The following TKTL1 variants were observed in gnomAD, a reference collection of about 807,000 sequenced individuals.
TKTL1 encodes the protein transketolase-like protein 1.
Under a neutral mutation model 39.3 loss-of-function variants are expected in TKTL1, and 1 was observed. The observed-to-expected ratio is 0.03, with a 90% CI of 0.01 to 0.12. The LOEUF (loss-of-function observed/expected upper bound fraction) is 0.12, where lower values mean the gene tolerates loss of function less well. TKTL1 is among the 10% of genes least tolerant of loss of function. The pLI is 1.00. For synonymous variants in TKTL1, 262 were observed against 193.8 expected (o/e 1.35, Z -2.92); for missense variants, 575 against 509.6 (o/e 1.13, Z -1.24).
intron 1 of TKTL1, among the ~76,000 whole-genome samples, chrX:154,298,927 T>C (rs148970245): frequency 0.11 from 12,480 of 109,002 alleles, 1,704 homozygotes; most frequent in African/African-American, 0.39. Flanking sequence ...CCAGGTTGGT[T>C]TCAGACCCCT....
chrX:154,299,489 G>C (rs1318131709), intron 1 of TKTL1, among the ~76,000 whole-genome samples: 1 of 110,333 alleles, frequency 9.1e-6, no homozygotes, highest in African/African-American at 3.3e-5. Flanking sequence ...ATAGTGTTAG[G>C]GGTATAAGTT....
chrX:154,308,115 G>A (rs1366470740), intron 2 of TKTL1, among the ~76,000 whole-genome samples: 1 of 112,031 alleles, frequency 8.9e-6, no homozygotes, highest in African/African-American at 3.2e-5. Context: ...AAACTTTTAA[G>A]TCAATAGATG....
chrX:154,321,366 G>A (rs5987244), intron 8 of TKTL1, among the ~76,000 whole-genome samples: 7,707 of 108,929 alleles, frequency 0.071, 696 homozygotes, highest in African/African-American at 0.25. Context: ...ACCCTGGAGC[G>A]TGACACGAGG....
intron 12 of TKTL1, among the ~76,000 whole-genome samples, chrX:154,328,593 G>A (rs1419623874): frequency 3.3e-4 from 20 of 59,993 alleles, no homozygotes; most frequent in Non-Finnish European, 6.9e-4. Context: ...AAAAAAAAAA[G>A]TGTGCCCCGA....
chrX:154,298,784 C>G (rs368149885), intron 1 of TKTL1, among the ~76,000 whole-genome samples: 1 of 111,364 alleles, frequency 9.0e-6, no homozygotes, highest in Non-Finnish European at 1.9e-5. Flanking sequence ...TTCCTTTCTC[C>G]TGCTAGCTTT....
intron 1 of TKTL1, among the ~76,000 whole-genome samples, chrX:154,301,844 C>T (rs782697887): frequency 9.3e-6 from 1 of 107,694 alleles, no homozygotes; most frequent in African/African-American, 3.4e-5. Flanking sequence ...CCGCCCACCT[C>T]GGCCTCCCAA....
chrX:154,301,858 G>T (rs2067276251), intron 1 of TKTL1, among the ~76,000 whole-genome samples: 1 of 106,901 alleles, frequency 9.4e-6, no homozygotes, highest in South Asian at 4.1e-4. Context: ...CTCCCAAGAT[G>T]CTGGGATTAC....
chrX:154,319,378 C>T (rs1347553909), intron 7 of TKTL1, among the ~76,000 whole-genome samples: 1 of 112,135 alleles, frequency 8.9e-6, no homozygotes, highest in Non-Finnish European at 1.9e-5. Context: ...GGATGATCCC[C>T]CTGTAAGAGT....
chrX:154,301,937 ATTAT>A (rs1221713052), intron 1 of TKTL1, among the ~76,000 whole-genome samples: 2 of 108,085 alleles, frequency 1.9e-5, no homozygotes, highest in Non-Finnish European at 3.8e-5. Flanking sequence ...AAATGAGACA[ATTAT>A]TTATTTTAGG....
chrX:154,297,120 C>G (rs1013857106), intron 1 of TKTL1, among the ~76,000 whole-genome samples: 2 of 111,762 alleles, frequency 1.8e-5, no homozygotes, highest in African/African-American at 6.5e-5. Context: ...GAGACCCTGT[C>G]TCTAAAAAAA....
chrX:154,320,505 G>A (rs2067440401), intron 7 of TKTL1: 1 of 389,032 alleles, frequency 2.6e-6, no homozygotes, highest in Admixed American at 4.4e-5. Flanking sequence ...CTGGAAAGCT[G>A]CGGACACCAG....
chrX:154,318,259 A>G (rs782485854), intron 7 of TKTL1, among the ~76,000 whole-genome samples: 21 of 110,111 alleles, frequency 1.9e-4, no homozygotes, highest in African/African-American at 6.6e-4. Flanking sequence ...AGTCGTTGCA[A>G]AGGATGTAGT....
At chrX:154,318,037 C>T (rs1247255460) in intron 7 of TKTL1, among the ~76,000 whole-genome samples, 5 of 111,954 alleles carry the variant, frequency 4.5e-5, no homozygotes, top group African/African-American at 1.6e-4. Flanking sequence ...ACTACATATT[C>T]GTTGGCCTAG....
chrX:154,317,619 C>G (rs782368390), intron 7 of TKTL1, among the ~76,000 whole-genome samples: 5 of 112,688 alleles, frequency 4.4e-5, no homozygotes, highest in African/African-American at 1.6e-4. Flanking sequence ...CCTGCGTTTT[C>G]CAAAACTCTG....
intron 12 of TKTL1, among the ~76,000 whole-genome samples, chrX:154,328,741 A>G (rs1293397545): frequency 9.1e-6 from 1 of 110,349 alleles, no homozygotes; most frequent in African/African-American, 3.3e-5. Flanking sequence ...TTCATGCGGC[A>G]GGGGCCCTCT....
chrX:154,321,928 C>A (rs1182833525), intron 8 of TKTL1, among the ~76,000 whole-genome samples: 1 of 109,450 alleles, frequency 9.1e-6, no homozygotes, highest in Admixed American at 9.9e-5. Context: ...GGTCCTTGAG[C>A]CCACCTGTGG....
chrX:154,324,278 G>C (rs1488224258), intron 9 of TKTL1, among the ~76,000 whole-genome samples: 3 of 110,971 alleles, frequency 2.7e-5, no homozygotes, highest in Non-Finnish European at 5.7e-5. Flanking sequence ...GCTGCGACTA[G>C]AGGTGCACTC....
At chrX:154,300,889 C>T (rs890906410) in intron 1 of TKTL1, among the ~76,000 whole-genome samples, 1 of 109,604 alleles carries the variant, frequency 9.1e-6, no homozygotes, top group African/African-American at 3.3e-5. Flanking sequence ...GACAAAGTTT[C>T]ACCAGACCAT....
intron 8 of TKTL1, 130 bp from the exon 9 acceptor site, chrX:154,323,077 T>C (rs116600531): frequency 1.2e-6 from 1 of 826,663 alleles, no homozygotes; most frequent in East Asian, 3.2e-5. Context: ...GGACCATTTA[T>C]GGGGCTCTGC....
Sources: gnomAD v4.1 joint callset for allele counts (sites outside exome capture counted in the v4.1 genomes callset) on GRCh38, gnomAD v4.1.1 for gene constraint, MANE v1.5 for transcripts, NCBI Gene and HGNC (gene_info 2026-07-23, HGNC 2026-07-21) for gene names.